The following TEAD1 variants were observed in gnomAD, a reference collection of about 807,000 sequenced individuals.
TEAD1 encodes the protein TEA domain transcription factor 1, also known as transcriptional enhancer factor TEF-1.
Under a neutral mutation model 54.9 loss-of-function variants are expected in TEAD1, and 9 were observed. That is an observed-to-expected ratio of 0.16 (90% CI 0.10 to 0.29). TEAD1 has a LOEUF of 0.29. Ranked by LOEUF, TEAD1 falls within the 10% of genes least tolerant of loss-of-function variation. The pLI is 1.00. For synonymous variants in TEAD1, 200 were observed against 187.8 expected (o/e 1.07, Z -0.53); for missense variants, 387 against 535.9 (o/e 0.72, Z 2.74).
chr11:12,833,788 GCT>G (rs1172973965), intron 3 of TEAD1, among the ~76,000 whole-genome samples: 6 of 151,946 alleles, frequency 3.9e-5, no homozygotes, highest in African/African-American at 7.3e-5. Context: ...TACTTAGTAT[GCT>G]CTTTCTTTAA....
At position 12,790,453 on chromosome 11, in the gene TEAD1, C is replaced by A. The variant is rs1389282464; in HGVS notation, c.202+26019C>A. ...ACAGTAGGTACTCAGTAAATGATAGCTTAAATTTGTAAAATGGGAATGATA... is the reference window on the plus strand; with the variant it reads ...ACAGTAGGTACTCAGTAAATGATAGATTAAATTTGTAAAATGGGAATGATA... On this transcript the variant is annotated intron_variant, in intron 3 of 12. Coordinates refer to ENST00000527636, the MANE Select transcript of TEAD1 (RefSeq NM_021961.6). Among the ~76,000 whole-genome samples the A allele has an allele frequency of 2.6e-5, 4 of 152,176 alleles. No individual in the cohort carries two copies. The East Asian group carries it at 5.8e-4, about 22-fold the overall frequency.
chr11:12,757,818 C>T (rs1211303176), intron 2 of TEAD1, among the ~76,000 whole-genome samples: 2 of 152,084 alleles, frequency 1.3e-5, no homozygotes, highest in African/African-American at 4.8e-5. Flanking sequence ...CTTGTTCTGT[C>T]ACTCAGACTG....
At chr11:12,740,693 C>T (rs1212140289) in intron 2 of TEAD1, among the ~76,000 whole-genome samples, 3 of 152,144 alleles carry the variant, frequency 2.0e-5, no homozygotes, top group Non-Finnish European at 4.4e-5. Context: ...AACTCATTCA[C>T]TATCACAAGA....
At chr11:12,791,650 G>C (rs944205626) in intron 3 of TEAD1, among the ~76,000 whole-genome samples, 6 of 152,188 alleles carry the variant, frequency 3.9e-5, no homozygotes, top group Non-Finnish European at 8.8e-5. Context: ...CAGAGAGCAT[G>C]GGTATCATGG....
At chr11:12,738,726 A>G (rs1350873767) in intron 2 of TEAD1, among the ~76,000 whole-genome samples, 1 of 152,212 alleles carries the variant, frequency 6.6e-6, no homozygotes, top group African/African-American at 2.4e-5. Context: ...TGCCTTGCTA[A>G]TCACTCCTTA....
At chr11:12,914,696 T>G (rs1948679066) in intron 10 of TEAD1, among the ~76,000 whole-genome samples, 1 of 152,150 alleles carries the variant, frequency 6.6e-6, no homozygotes, top group African/African-American at 2.4e-5. Flanking sequence ...GACCTCCCCC[T>G]TCTCTCTGCC....
At chr11:12,722,326 C>CA (rs2133867311) in intron 2 of TEAD1, among the ~76,000 whole-genome samples, 1 of 152,258 alleles carries the variant, frequency 6.6e-6, no homozygotes, top group South Asian at 2.1e-4. Flanking sequence ...AAGAAGAACG[C>CA]AAGAGGGGAA....
At chr11:12,923,451 G>A (rs953675513) in intron 10 of TEAD1, among the ~76,000 whole-genome samples, 3 of 152,140 alleles carry the variant, frequency 2.0e-5, no homozygotes, top group East Asian at 3.9e-4. Flanking sequence ...AGTTCCGTGT[G>A]GTATGTTCCT....
At chr11:12,844,348 T>G (rs1325070208) in intron 3 of TEAD1, among the ~76,000 whole-genome samples, 1 of 152,182 alleles carries the variant, frequency 6.6e-6, no homozygotes, top group Non-Finnish European at 1.5e-5. Flanking sequence ...CCTCATAGTT[T>G]TTTCTTTCAA....
intron 2 of TEAD1, among the ~76,000 whole-genome samples, chr11:12,745,193 G>T (rs1031685030): frequency 2.2e-4 from 34 of 152,174 alleles, no homozygotes; most frequent in Non-Finnish European, 3.4e-4. Context: ...AATAATGAGA[G>T]CTTTTATGGT....
chr11:12,888,696 G>T (rs778730352), intron 9 of TEAD1, among the ~76,000 whole-genome samples: 1 of 152,168 alleles, frequency 6.6e-6, no homozygotes, highest in Non-Finnish European at 1.5e-5. Flanking sequence ...TAGCAATAGT[G>T]ATGGCCAACA....
At chr11:12,684,137 CA>C (rs1943282734) in intron 2 of TEAD1, among the ~76,000 whole-genome samples, 1 of 152,114 alleles carries the variant, frequency 6.6e-6, no homozygotes, top group East Asian at 1.9e-4. Flanking sequence ...TGGTCTCAGG[CA>C]AACAGATAGA....
intron 9 of TEAD1, among the ~76,000 whole-genome samples, chr11:12,886,023 G>A (rs929769506): frequency 2.6e-5 from 4 of 152,222 alleles, no homozygotes; most frequent in African/African-American, 9.6e-5. Context: ...TTCTAGGAAG[G>A]AAGAATACTG....
intron 2 of TEAD1, among the ~76,000 whole-genome samples, chr11:12,758,212 A>G (rs1184310641): frequency 6.6e-6 from 1 of 150,996 alleles, no homozygotes; most frequent in Admixed American, 6.6e-5. Context: ...ATGACAAACC[A>G]ACTCACTAAG....
chr11:12,921,715 A>T (rs1054079015), intron 10 of TEAD1, among the ~76,000 whole-genome samples: 7 of 152,112 alleles, frequency 4.6e-5, no homozygotes, highest in Admixed American at 1.3e-4. Context: ...TGAAAGCTCG[A>T]TGGGAATTCC....
chr11:12,784,722 G>GCCACAGGA (rs1448493844), intron 3 of TEAD1, among the ~76,000 whole-genome samples: 4 of 152,192 alleles, frequency 2.6e-5, no homozygotes, highest in African/African-American at 9.7e-5. Context: ...CCTAGGGTGA[G>GCCACAGGA]TTAATGGGTC....
chr11:12,697,187 T>C (rs548412387), intron 2 of TEAD1, among the ~76,000 whole-genome samples: 17 of 140,312 alleles, frequency 1.2e-4, no homozygotes, highest in African/African-American at 4.1e-4. Flanking sequence ...CCCTGAGCAA[T>C]GTGGAAGGCA....
At chr11:12,746,543 A>G (rs1172098001) in intron 2 of TEAD1, among the ~76,000 whole-genome samples, 1 of 152,260 alleles carries the variant, frequency 6.6e-6, no homozygotes, top group Non-Finnish European at 1.5e-5. Context: ...TAAATGAGGT[A>G]CTGAAGAAGC....
intron 2 of TEAD1, among the ~76,000 whole-genome samples, chr11:12,732,080 A>T (rs929696323): frequency 5.4e-5 from 8 of 147,662 alleles, no homozygotes; most frequent in Admixed American, 6.8e-5. Context: ...TTGTGAGTTG[A>T]TTTTTTTTTT....
Sources: allele counts gnomAD v4.1 joint callset (sites outside exome capture counted in the v4.1 genomes callset), GRCh38; gene constraint gnomAD v4.1.1; transcripts MANE v1.5; gene names NCBI Gene and HGNC (gene_info 2026-07-23, HGNC 2026-07-21).